The following PTPRT variants were observed in gnomAD, a reference collection of about 807,000 sequenced individuals.
PTPRT encodes receptor-type tyrosine-protein phosphatase T.
Under a neutral mutation model 176.8 loss-of-function variants are expected in PTPRT, and 56 were observed. The observed-to-expected ratio is 0.32, with a 90% CI of 0.26 to 0.40. PTPRT has a LOEUF of 0.40. PTPRT is among the 10% of genes least tolerant of loss of function. PTPRT has a pLI of 1.00. For synonymous variants in PTPRT, 783 were observed against 739.0 expected (o/e 1.06, Z -0.96); for missense variants, 1,540 against 1,908.2 (o/e 0.81, Z 3.60).
intron 1 of PTPRT, among the ~76,000 whole-genome samples, chr20:43,049,910 A>C (rs1393984602): frequency 6.6e-6 from 1 of 152,254 alleles, no homozygotes; most frequent in Non-Finnish European, 1.5e-5. Context: ...TCCCTGAGCC[A>C]GTGGCTATCA....
chr20:42,841,649 A>T (rs1210043800), intron 2 of PTPRT, among the ~76,000 whole-genome samples: 1 of 145,304 alleles, frequency 6.9e-6, no homozygotes, highest in Non-Finnish European at 1.5e-5. Flanking sequence ...ACACACACAC[A>T]CACACACACA....
rs761156644 is a variant in PTPRT, at chr20:42,119,823, G to A, written c.2884+112C>T. The A allele has an allele frequency of 6.4e-6, 6 of 936,898 alleles. No homozygotes were observed. In the African/African-American group the frequency reaches 8.6e-5, roughly 13 times the overall value. The allele number at this position is 936,898 out of a possible 1,614,324, so 58.0% of individuals were successfully genotyped here. ...TCCAGGGCTGTTTAGTGAAAAAGGA[G>A]GGTTGGAGTAACAGATATAGGAGGA... On this transcript the variant is annotated intron_variant, in intron 20 of 30. Transcript: ENST00000373187.
At position 42,073,328 on chromosome 20, in the gene PTPRT, G is replaced by A. The variant is rs138241652; in HGVS notation, c.*7551C>T. 1,857 of 189,152 alleles carry A rather than the reference G, an allele frequency of 9.8e-3. 15 individuals carry two copies. The highest frequency in any genetic ancestry group is 0.015 in the Non-Finnish European group (1,314 of 89,598). 11.7% of individuals were successfully genotyped at this position (189,152 alleles called of 1,614,324 possible). A position where few individuals can be genotyped will look rare whatever the true frequency, so the allele number is the denominator to read the frequency against. On this transcript the variant is annotated 3_prime_UTR_variant, in exon 31 of 31. Transcript: ENST00000373187. Reference sequence around the variant, plus strand: ...TATGATTACCAATATGGGTTAACCCGGATTTACATGGGCTAGCTCAGGATC... The same window carrying A: ...TATGATTACCAATATGGGTTAACCCAGATTTACATGGGCTAGCTCAGGATC...
chr20:42,743,376 G>A (rs1223265562), intron 6 of PTPRT, among the ~76,000 whole-genome samples: 1 of 152,130 alleles, frequency 6.6e-6, no homozygotes, highest in South Asian at 2.1e-4. Context: ...TATGGGTTAG[G>A]GGGGAAAAAA....
intron 2 of PTPRT, among the ~76,000 whole-genome samples, chr20:42,860,637 C>A (rs1159953277): frequency 6.6e-6 from 1 of 152,130 alleles, no homozygotes; most frequent in Non-Finnish European, 1.5e-5. Context: ...GTTGCTTTTA[C>A]AGAATGAATC....
At chr20:42,311,551 C>T (rs2057629598) in intron 12 of PTPRT, among the ~76,000 whole-genome samples, 1 of 152,144 alleles carries the variant, frequency 6.6e-6, no homozygotes, top group South Asian at 2.1e-4. Flanking sequence ...TTCTGCTTTC[C>T]TTTCACTTGA....
At chr20:42,964,177 T>G (rs1163488824) in intron 1 of PTPRT, among the ~76,000 whole-genome samples, 3 of 152,192 alleles carry the variant, frequency 2.0e-5, no homozygotes, top group African/African-American at 7.2e-5. Context: ...CATATTAGTA[T>G]AAATTGCCTC....
chr20:43,126,626 C>T (rs558010025), intron 1 of PTPRT, among the ~76,000 whole-genome samples: 13 of 152,288 alleles, frequency 8.5e-5, no homozygotes, highest in African/African-American at 3.1e-4. Context: ...CCCAAAGATA[C>T]AAAAAGATGT....
At chr20:42,577,104 G>A (rs186615109) in intron 7 of PTPRT, among the ~76,000 whole-genome samples, 38 of 152,180 alleles carry the variant, frequency 2.5e-4, no homozygotes, top group Admixed American at 5.9e-4. Context: ...AAAGAAAACA[G>A]GCCATTACCA....
At chr20:42,376,725 TC>T (rs571679452) in intron 9 of PTPRT, among the ~76,000 whole-genome samples, 123 of 151,930 alleles carry the variant, frequency 8.1e-4, no homozygotes, top group African/African-American at 2.9e-3. Flanking sequence ...GGCAAAGAAT[TC>T]CAGACAGAAG....
At chr20:42,596,182 C>T (rs1415911146) in intron 7 of PTPRT, among the ~76,000 whole-genome samples, 2 of 152,152 alleles carry the variant, frequency 1.3e-5, no homozygotes, top group African/African-American at 2.4e-5. Flanking sequence ...GGAGAAGCTT[C>T]CTTGGTAAAC....
At chr20:42,574,531 T>C (rs1437217247) in intron 7 of PTPRT, among the ~76,000 whole-genome samples, 1 of 152,142 alleles carries the variant, frequency 6.6e-6, no homozygotes, top group Admixed American at 6.5e-5. Flanking sequence ...GTGCACCCAA[T>C]GTCCCTGCAA....
intron 7 of PTPRT, among the ~76,000 whole-genome samples, chr20:42,493,067 T>A (rs1042112397): frequency 1.3e-5 from 2 of 152,196 alleles, no homozygotes; most frequent in Non-Finnish European, 2.9e-5. Context: ...AAAACAACCA[T>A]AATTTGCAAA....
intron 3 of PTPRT, among the ~76,000 whole-genome samples, chr20:42,781,983 T>C (rs534124794): frequency 6.6e-5 from 10 of 152,304 alleles, no homozygotes; most frequent in Middle Eastern, 3.4e-3. Context: ...GTCTACCTCA[T>C]TGAGTGATTT....
At chr20:42,225,990 C>A (rs997059345) in intron 15 of PTPRT, among the ~76,000 whole-genome samples, 1 of 152,224 alleles carries the variant, frequency 6.6e-6, no homozygotes, top group African/African-American at 2.4e-5. Flanking sequence ...CTGGCATCTA[C>A]TTTATACCAA....
intron 7 of PTPRT, among the ~76,000 whole-genome samples, chr20:42,475,040 C>T (rs773309637): frequency 1.3e-5 from 2 of 152,138 alleles, no homozygotes; most frequent in Non-Finnish European, 2.9e-5. Flanking sequence ...TTAAAATGTA[C>T]CATATCTCAT....
chr20:42,935,147 ATTTTTTTTTT>A (rs57178522), intron 1 of PTPRT, among the ~76,000 whole-genome samples: 7 of 42,162 alleles, frequency 1.7e-4, no homozygotes, highest in African/African-American at 5.7e-4. Context: ...TTTTGCCATA[ATTTTTTTTTT>A]TTTTTTTTTT....
intron 7 of PTPRT, among the ~76,000 whole-genome samples, chr20:42,640,851 G>A (rs770935742): frequency 6.6e-6 from 1 of 152,030 alleles, no homozygotes; most frequent in African/African-American, 2.4e-5. Flanking sequence ...CTCCATCTGG[G>A]AATTTGAAAT....
At chr20:43,108,972 C>T (rs985576480) in intron 1 of PTPRT, among the ~76,000 whole-genome samples, 2 of 152,138 alleles carry the variant, frequency 1.3e-5, no homozygotes, top group South Asian at 4.1e-4. Flanking sequence ...AGAATGAAGT[C>T]ACTTAAATTC....
Sources: gnomAD v4.1 joint callset for allele counts (sites outside exome capture counted in the v4.1 genomes callset) on GRCh38, gnomAD v4.1.1 for gene constraint, MANE v1.5 for transcripts, NCBI Gene and HGNC (gene_info 2026-07-23, HGNC 2026-07-21) for gene names.